The following TTLL5 variants were observed in gnomAD, a reference collection of about 807,000 sequenced individuals.
TTLL5 encodes the protein tubulin polyglutamylase TTLL5.
A neutral mutation model predicts 168.4 loss-of-function variants in TTLL5; 132 were observed. The ratio of observed to expected loss-of-function variants is 0.78; its 90% CI spans 0.68 to 0.91. The LOEUF is 0.91. TTLL5 is among the 40% of genes least tolerant of loss of function. TTLL5 has a pLI of 0.00. For synonymous variants in TTLL5, 546 were observed against 558.6 expected (o/e 0.98, Z 0.32); for missense variants, 1,545 against 1,581.5 (o/e 0.98, Z 0.39).
intron 31 of TTLL5, among the ~76,000 whole-genome samples, chr14:75,925,638 C>T (rs2034022936): frequency 6.6e-6 from 1 of 152,048 alleles, no homozygotes; most frequent in South Asian, 2.1e-4. Context: ...TCCTCACTTC[C>T]CAGACGGGCT....
intron 29 of TTLL5, among the ~76,000 whole-genome samples, chr14:75,873,904 GA>G (rs2031248311): frequency 6.6e-6 from 1 of 152,126 alleles, no homozygotes; most frequent in African/African-American, 2.4e-5. Context: ...TGATATTAAA[GA>G]AAGTGTCTTA....
At chr14:75,778,775 A>T (rs1018398294) in intron 23 of TTLL5, among the ~76,000 whole-genome samples, 1 of 152,250 alleles carries the variant, frequency 6.6e-6, no homozygotes, top group African/African-American at 2.4e-5. Context: ...TCAATAGAAG[A>T]ATCCACTAGC....
chr14:75,733,083 A>G (rs1014162211), intron 13 of TTLL5, among the ~76,000 whole-genome samples: 1 of 152,252 alleles, frequency 6.6e-6, no homozygotes, highest in East Asian at 1.9e-4. Context: ...TAAGGATGAG[A>G]GATATTGGCA....
chr14:75,770,701 G>A lies in TTLL5; in HGVS notation c.2016-1033G>A, dbSNP rs1010068802. On this transcript the variant is annotated intron_variant, in intron 20 of 31. Transcript: ENST00000298832. ...TCAGATTTCCTTATTTCCAGCCTAGGCCACCAGGCAGAAAATAGCTGCGTT... is the reference window on the plus strand; with the variant it reads ...TCAGATTTCCTTATTTCCAGCCTAGACCACCAGGCAGAAAATAGCTGCGTT... Among the ~76,000 whole-genome samples, 4 of 152,112 alleles carry A rather than the reference G, an allele frequency of 2.6e-5. No homozygotes were observed. In the East Asian group the frequency reaches 5.8e-4, roughly 22 times the overall value.
intron 31 of TTLL5, among the ~76,000 whole-genome samples, chr14:75,928,258 G>C (rs1417257190): frequency 6.7e-6 from 1 of 148,922 alleles, no homozygotes; most frequent in Non-Finnish European, 1.5e-5. Flanking sequence ...AGTTCTTTTT[G>C]GCTCAAACAG....
chr14:75,681,564 T>C lies in TTLL5; in HGVS notation c.201T>C (p.Tyr67=), dbSNP rs773528252. Residue 67 remains tyrosine (Y), a synonymous_variant, in exon 4 of 32, where the codon TAT becomes TAC. Transcript: ENST00000298832. ...CTTTAGAACGTTATCATTTGTCTTA[T>C]AAGATTGTACGAACGGACAGTCGCC... ...RVIGERYHLS[Y]KIVRTDSRLV... is the part of the protein sequence containing the mutation. 1.4e-5 allele frequency: 23 copies of C among 1,613,332 alleles called. No individual in the cohort carries two copies. The highest frequency in any genetic ancestry group is 1.1e-5 in the South Asian group (1 of 91,086).
chr14:75,784,382 A>C (rs1892247574), intron 26 of TTLL5, among the ~76,000 whole-genome samples: 1 of 152,230 alleles, frequency 6.6e-6, no homozygotes, highest in African/African-American at 2.4e-5. Flanking sequence ...GCTTTCACTT[A>C]GCATAATGTT....
intron 31 of TTLL5, 93 bp downstream of exon 31, chr14:75,902,317 A>G: frequency 7.8e-7 from 1 of 1,287,874 alleles, no homozygotes; most frequent in Non-Finnish European, 1.1e-6. Flanking sequence ...AGAGAGCCCC[A>G]GTTCAAAGAA....
intron 27 of TTLL5, among the ~76,000 whole-genome samples, chr14:75,813,852 T>C (rs1222858553): frequency 3.4e-5 from 5 of 148,832 alleles, no homozygotes; most frequent in Non-Finnish European, 5.9e-5. Flanking sequence ...AAGCTATAGG[T>C]TTTCAACTAT....
chr14:75,707,234 C>A, intron 8 of TTLL5, 147 bp downstream of exon 8: 1 of 651,978 alleles, frequency 1.5e-6, no homozygotes, highest in East Asian at 2.7e-5. Flanking sequence ...GGTTCCTTAC[C>A]TATCTCACGG....
At chr14:75,834,152 G>C (rs1271030478) in intron 28 of TTLL5, among the ~76,000 whole-genome samples, 2 of 152,180 alleles carry the variant, frequency 1.3e-5, no homozygotes, top group African/African-American at 4.8e-5. Context: ...AGAGGAACAA[G>C]CTAAATCAGA....
rs527554215 is a variant in TTLL5, at chr14:75,823,671, G to A, written c.3326+3510G>A. 3.3e-5 allele frequency among the ~76,000 whole-genome samples: 5 copies of A among 152,118 alleles called. No homozygotes were observed. In the South Asian group the frequency reaches 8.3e-4, roughly 25 times the overall value. On this transcript the variant is annotated intron_variant, in intron 28 of 31. Coordinates refer to ENST00000298832, the MANE Select transcript of TTLL5 (RefSeq NM_015072.5). ...CATCCTGGGCATTTGTCTGTTCCTC[G>A]ATATGAAAGATGGGAGAATTTGCAG...
intron 19 of TTLL5, 64 bp from the exon 20 acceptor site, chr14:75,765,998 A>C (rs984035752): frequency 7.0e-7 from 1 of 1,419,028 alleles, no homozygotes; most frequent in African/African-American, 1.4e-5. Context: ...GAGAAAAGGA[A>C]GGTATTGGGA....
At position 75,919,192 on chromosome 14, in the gene TTLL5, C is replaced by T. The variant is rs977905804; in HGVS notation, c.3823+16968C>T. Among the ~76,000 whole-genome samples the T allele has an allele frequency of 1.7e-4, 12 of 69,454 alleles. No individual in the cohort carries two copies. In the Admixed American group the frequency reaches 2.3e-3, roughly 13 times the overall value. 45.6% of individuals were successfully genotyped at this position (69,454 alleles called of 152,430 possible). On this transcript the variant is annotated intron_variant, in intron 31 of 31. Transcript: ENST00000298832. ...CTCCAGCCTGGCTCCAGAGCAAGAC[C>T]GTCTCAAAAAAAAAAAAAAAAAAAA...
At chr14:75,676,148 TG>T (rs1204744706) in intron 3 of TTLL5, among the ~76,000 whole-genome samples, 1 of 152,182 alleles carries the variant, frequency 6.6e-6, no homozygotes, top group East Asian at 1.9e-4. Flanking sequence ...CACCCACATT[TG>T]GGAGGGTAAT....
intron 17 of TTLL5, among the ~76,000 whole-genome samples, chr14:75,749,809 T>A (rs1292345650): frequency 6.6e-6 from 1 of 152,128 alleles, no homozygotes; most frequent in Non-Finnish European, 1.5e-5. Flanking sequence ...TACACATATA[T>A]TATCAACAAA....
At chr14:75,739,814 A>G (rs1258111773) in intron 15 of TTLL5, among the ~76,000 whole-genome samples, 1 of 152,184 alleles carries the variant, frequency 6.6e-6, no homozygotes, top group Non-Finnish European at 1.5e-5. Flanking sequence ...TAAGTGCTAG[A>G]CATGTAGTTT....
chr14:75,767,391 G>A (rs1159148669), intron 20 of TTLL5, among the ~76,000 whole-genome samples: 1 of 152,170 alleles, frequency 6.6e-6, no homozygotes, highest in Non-Finnish European at 1.5e-5. Context: ...CAATAAGATG[G>A]TGTAATGTTA....
At chr14:75,841,217 CCG>C (rs1452595542) in intron 28 of TTLL5, among the ~76,000 whole-genome samples, 7 of 152,182 alleles carry the variant, frequency 4.6e-5, no homozygotes, top group Non-Finnish European at 1.0e-4. Context: ...AACAGCCAAA[CCG>C]TATCACCTTC....
Sources: allele counts gnomAD v4.1 joint callset (sites outside exome capture counted in the v4.1 genomes callset), GRCh38; gene constraint gnomAD v4.1.1; transcripts MANE v1.5; gene names NCBI Gene and HGNC (gene_info 2026-07-23, HGNC 2026-07-21).